The following RRP1B variants were observed in gnomAD, a reference collection of about 807,000 sequenced individuals.
RRP1B encodes ribosomal RNA processing protein 1 homolog B.
A neutral mutation model predicts 80.2 loss-of-function variants in RRP1B; 56 were observed. The ratio of observed to expected loss-of-function variants is 0.70; its 90% CI spans 0.56 to 0.87. The LOEUF (loss-of-function observed/expected upper bound fraction) is 0.87, where lower values mean the gene tolerates loss of function less well. Ranked by LOEUF, RRP1B falls within the 40% of genes least tolerant of loss-of-function variation. RRP1B has a pLI of 0.00. For synonymous variants in RRP1B, 351 were observed against 357.6 expected (o/e 0.98, Z 0.21); for missense variants, 807 against 939.8 (o/e 0.86, Z 1.85).
chr21:43,659,836 G>GGGGGCC lies in RRP1B; in HGVS notation c.130+48_130+53dup, dbSNP rs1186881861. 20 of 1,470,956 alleles carry GGGGGCC rather than the reference G, an allele frequency of 1.4e-5. No individual in the cohort carries two copies. Among genetic ancestry groups the GGGGGCC allele is most frequent in the Admixed American group, 2.3e-5 (1 of 43,814 alleles). 91.1% of individuals were successfully genotyped at this position (1,470,956 alleles called of 1,614,324 possible). A position where few individuals can be genotyped will look rare whatever the true frequency, so the allele number is the denominator to read the frequency against. On this transcript the variant is annotated intron_variant, in intron 1 of 15. Transcript: ENST00000340648. This position sits in a 1 kb window ranked among gnomAD's most constrained non-coding sequence, Gnocchi z 4.2. Reference sequence around the variant, plus strand: ...GGTCAGCCGCGCCACATGGCGGGCCGGGGGCCGGGGCTGGGGCTAGGGCCA... The same window carrying GGGGGCC: ...GGTCAGCCGCGCCACATGGCGGGCCGGGGGCCGGGGCCGGGGCTGGGGCTAGGGCCA...
chr21:43,674,685 G>C lies in RRP1B; in HGVS notation c.407G>C (p.Gly136Ala). The change falls in exon 5 of 16, where the codon GGC becomes GCC. Residue 136 changes from glycine to alanine, a missense_variant. Gly to Ala is a moderately conservative substitution (Grantham distance 60, BLOSUM62 0). Transcript: ENST00000340648. ...TCCTTTGAAGTCTTGAAGCGAAATG[G>C]CTGGGAAGAAAGGTCAGTAAACCAT... ...RQSFEVLKRN[G>A]WEESRIKVFL... The C allele has an allele frequency of 6.2e-7, 1 of 1,603,938 alleles. No individual in the cohort carries two copies. The highest frequency in any genetic ancestry group is 8.5e-7 in the Non-Finnish European group (1 of 1,177,326).
intron 2 of RRP1B, 113 bp downstream of exon 2, chr21:43,670,079 G>A: frequency 3.2e-6 from 2 of 615,704 alleles, no homozygotes; most frequent in Non-Finnish European, 2.7e-6. Flanking sequence ...TGACAGTCAT[G>A]CTTCAAGGAG....
intron 6 of RRP1B, among the ~76,000 whole-genome samples, 176 bp from the exon 7 acceptor site, chr21:43,676,096 T>G (rs2083021435): frequency 6.6e-6 from 1 of 152,062 alleles, no homozygotes; most frequent in South Asian, 2.1e-4. Flanking sequence ...GCGGCCTCAG[T>G]CTTCAGCCTG....
intron 1 of RRP1B, among the ~76,000 whole-genome samples, chr21:43,669,583 G>C (rs900836161): frequency 1.3e-5 from 2 of 152,192 alleles, no homozygotes; most frequent in Non-Finnish European, 2.9e-5. Context: ...GGAGGGCGTT[G>C]ATGAGGAGCC....
rs879723593 is a variant in RRP1B at position 43,692,602 on chromosome 21, C to CAAA, written c.2084-575_2084-573dup. On this transcript the variant is annotated intron_variant, in intron 15 of 15. Transcript: ENST00000340648. ...TGACAGGCTGGGTGAGACTCCATCT[C>CAAA]AAAAAAAAAAAAAAAGTATTATAAC... 1.3e-3 allele frequency among the ~76,000 whole-genome samples: 127 copies of CAAA among 100,796 alleles called. 1 individual carries two copies. The highest frequency in any genetic ancestry group is 4.5e-3 in the African/African-American group (119 of 26,554). The allele number at this position is 100,796 out of a possible 152,430, so 66.1% of individuals were successfully genotyped here.
chr21:43,686,883 TAAG>T lies in RRP1B; in HGVS notation c.1095_1097del (p.Lys366del), dbSNP rs2083065210. The T allele has an allele frequency of 6.2e-7, 1 of 1,613,682 alleles. No homozygotes were observed. Among genetic ancestry groups the T allele is most frequent in the Admixed American group, 1.7e-5 (1 of 59,972 alleles). ...ACCAAATCCTCAGTCAAGGAAAGCA[TAAG>T]AAGAAAGGAAATAAACTTTTAGAGA... On this transcript the variant is annotated inframe_deletion, in exon 12 of 16. Coordinates refer to ENST00000340648, the MANE Select transcript of RRP1B (RefSeq NM_015056.3).
chr21:43,690,996 T>C (rs927607035), intron 14 of RRP1B, among the ~76,000 whole-genome samples: 1 of 152,006 alleles, frequency 6.6e-6, no homozygotes, highest in Non-Finnish European at 1.5e-5. Flanking sequence ...TGTCATAGAG[T>C]CTTCAAGTTA....
rs2083060901 is a variant in RRP1B, at chr21:43,685,802, A to G, written c.1009+13A>G. On this transcript the variant is annotated intron_variant, in intron 11 of 15. Coordinates refer to ENST00000340648, the MANE Select transcript of RRP1B (RefSeq NM_015056.3). ...GACCTTTCTGAAGGTGAGGCGCGCC[A>G]AGAATCATCATTCATGGTGTTTTTC... 1 of 1,591,252 alleles carries G rather than the reference A, an allele frequency of 6.3e-7. No individual in the cohort carries two copies. The highest frequency in any genetic ancestry group is 8.6e-7 in the Non-Finnish European group (1 of 1,168,512).
At chr21:43,682,286 C>T (rs1179459541) in intron 8 of RRP1B, among the ~76,000 whole-genome samples, 1 of 152,300 alleles carries the variant, frequency 6.6e-6, no homozygotes, top group Non-Finnish European at 1.5e-5. Flanking sequence ...GACGTTCCCT[C>T]CCAGTTGCGT....
At chr21:43,672,202 A>G in intron 2 of RRP1B, 106 bp from the exon 3 acceptor site, 1 of 886,732 alleles carries the variant, frequency 1.1e-6, no homozygotes, top group East Asian at 2.4e-5. Context: ...CAAGAGGGGC[A>G]GACCTTCCCA....
chr21:43,690,116 G>A (rs1353947337), intron 13 of RRP1B, among the ~76,000 whole-genome samples, 172 bp from the exon 14 acceptor site: 1 of 152,276 alleles, frequency 6.6e-6, no homozygotes, highest in Non-Finnish European at 1.5e-5. Flanking sequence ...TGTGCGTGAA[G>A]CCTGAGCTCT....
rs375690288 is a variant in RRP1B at position 43,691,539 on chromosome 21, G to T, written c.2083+37G>T. On this transcript the variant is annotated intron_variant, in intron 15 of 15. Transcript: ENST00000340648. This position sits in a 1 kb window ranked among gnomAD's most constrained non-coding sequence, Gnocchi z 4.2. ...TTTGCCAGCGGCAAGCTTCTCTGGAGCACAGCTGCAGCTCCTGGCGCGGCT... is the reference window on the plus strand; with the variant it reads ...TTTGCCAGCGGCAAGCTTCTCTGGATCACAGCTGCAGCTCCTGGCGCGGCT... 59 of 1,600,320 alleles carry T rather than the reference G, an allele frequency of 3.7e-5. No individual in the cohort carries two copies. Among genetic ancestry groups the T allele is most frequent in the Non-Finnish European group, 4.7e-5 (55 of 1,167,994 alleles).
At chr21:43,668,590 T>G (rs2082987693) in intron 1 of RRP1B, among the ~76,000 whole-genome samples, 2 of 152,052 alleles carry the variant, frequency 1.3e-5, no homozygotes, top group African/African-American at 4.8e-5. Context: ...AGGATGGTCT[T>G]GATCGTCTGA....
intron 13 of RRP1B, 146 bp from the exon 14 acceptor site, chr21:43,690,142 T>C (rs2083080582): frequency 3.9e-6 from 3 of 768,730 alleles, no homozygotes; most frequent in African/African-American, 1.8e-5. Context: ...ATGGAAGGGC[T>C]GTCTGCAAGT....
chr21:43,672,207 T>C (rs1185244849), intron 2 of RRP1B, 101 bp from the exon 3 acceptor site: 5 of 953,074 alleles, frequency 5.2e-6, no homozygotes, highest in Non-Finnish European at 8.5e-6. Flanking sequence ...GGGGCAGACC[T>C]TCCCACGAGC....
chr21:43,695,071 C>G lies in RRP1B; in HGVS notation c.*1688C>G, dbSNP rs1238901521. The G allele has an allele frequency of 3.0e-5, 2 of 67,690 alleles. No homozygotes were observed. Among genetic ancestry groups the G allele is most frequent in the African/African-American group, 2.7e-4 (2 of 7,538 alleles). The allele number at this position is 67,690 out of a possible 1,614,324, so 4.2% of individuals were successfully genotyped here. On this transcript the variant is annotated 3_prime_UTR_variant, in exon 16 of 16. Coordinates refer to ENST00000340648, the MANE Select transcript of RRP1B (RefSeq NM_015056.3). The stretch of plus-strand genomic sequence containing the variant: ...ATGAGAAGTCTTACGTACAACATAG[C>G]TGTGGTGGCTTAATGGCTGCATTAG...
At chr21:43,674,818 A>C (rs1439023103) in intron 5 of RRP1B, 121 bp downstream of exon 5, 2 of 1,070,780 alleles carry the variant, frequency 1.9e-6, no homozygotes, top group Admixed American at 4.7e-5. Flanking sequence ...CCTATAGAGA[A>C]TTGAAATCCA....
At chr21:43,674,846 G>T in intron 5 of RRP1B, 149 bp downstream of exon 5, 1 of 1,037,412 alleles carries the variant, frequency 9.6e-7, no homozygotes, top group East Asian at 2.4e-5. Context: ...GCATAAAACA[G>T]TTAAGTATAT....
intron 8 of RRP1B, among the ~76,000 whole-genome samples, chr21:43,682,905 CGTT>C (rs1477697431): frequency 6.6e-6 from 1 of 152,150 alleles, no homozygotes; most frequent in Non-Finnish European, 1.5e-5. Context: ...GACGGAGTCT[CGTT>C]GTCGCCCGGG....
Sources: allele counts gnomAD v4.1 joint callset (sites outside exome capture counted in the v4.1 genomes callset), GRCh38; gene constraint gnomAD v4.1.1; non-coding constraint Gnocchi (gnomAD v3.1); transcripts MANE v1.5; gene names NCBI Gene and HGNC (gene_info 2026-07-23, HGNC 2026-07-21).